OTUD7A: variants seen among roughly 807,000 people sequenced by gnomAD.
OTUD7A encodes the protein OTU domain-containing protein 7A.
In OTUD7A, 12 loss-of-function variants were observed where a neutral mutation model predicts 65.7. The observed-to-expected ratio is 0.18, with a 90% confidence interval of 0.12 to 0.30. The LOEUF is 0.30. Among genes scored for constraint, OTUD7A ranks in the 10% least tolerant of loss-of-function variants. The probability of loss-of-function intolerance (pLI) is 1.00; values close to 1 mark genes in which losing one functional copy is unlikely to be tolerated. For synonymous variants in OTUD7A, 641 were observed against 586.3 expected (o/e 1.09, Z -1.35); for missense variants, 1,148 against 1,304.8 (o/e 0.88, Z 1.85).
chr15:31,582,346 C>A (rs1474303703), intron 3 of OTUD7A, among the ~76,000 whole-genome samples: 1 of 152,220 alleles, frequency 6.6e-6, no homozygotes, highest in Non-Finnish European at 1.5e-5. Flanking sequence ...ACTGTTCTAA[C>A]CTCTGCCTGT....
chr15:31,585,551 C>T (rs1048425173), intron 3 of OTUD7A, among the ~76,000 whole-genome samples: 1 of 152,194 alleles, frequency 6.6e-6, no homozygotes, highest in African/African-American at 2.4e-5. Flanking sequence ...CCCCACCCGG[C>T]ATCCCCAGGG....
Position 31,484,330 on chromosome 15 carries a change from G to A in OTUD7A, c.1766C>T (p.Ser589Leu). Reference protein sequence around the residue: ...KEESGASASTSPSEKTTPSPT... With the variant: ...KEESGASASTLPSEKTTPSPT... ...CGACGGCGTGGTCTTTTCCGACGGCGACGTGCTGGCCGACGCACCAGACTC... is the reference window on the plus strand; with the variant it reads ...CGACGGCGTGGTCTTTTCCGACGGCAACGTGCTGGCCGACGCACCAGACTC... The change falls in exon 13 of 13, where the codon TCG becomes TTG. Residue 589 changes from serine (S) to leucine (L), a missense_variant. Transcript: ENST00000307050. The surrounding 1 kb of genome is among the most constrained non-coding windows in gnomAD (Gnocchi z 4.5). 1 of 1,599,714 alleles carries A rather than the reference G, an allele frequency of 6.3e-7. No individual in the cohort carries two copies. The highest frequency in any genetic ancestry group is 1.1e-5 in the South Asian group (1 of 90,778).
At chr15:31,796,155 G>A (rs1485317357) in intron 1 of OTUD7A, among the ~76,000 whole-genome samples, 2 of 150,602 alleles carry the variant, frequency 1.3e-5, no homozygotes, top group African/African-American at 4.9e-5. Flanking sequence ...GTGTGTGTGT[G>A]TGTGTGTGTG....
intron 3 of OTUD7A, among the ~76,000 whole-genome samples, chr15:31,592,133 T>G (rs1238156443): frequency 6.6e-6 from 1 of 152,182 alleles, no homozygotes; most frequent in Admixed American, 6.5e-5. Context: ...GGTGAGTGAA[T>G]GTGAAGGCCA....
At chr15:31,526,035 C>T (rs28445355) in intron 8 of OTUD7A, among the ~76,000 whole-genome samples, 29,364 of 152,216 alleles carry the variant, frequency 0.19, 3,339 homozygotes, top group East Asian at 0.37. Context: ...GCCCTGAAGG[C>T]GCACACCCCA....
chr15:31,735,061 C>CAAT (rs57350468), intron 1 of OTUD7A, among the ~76,000 whole-genome samples: 3 of 150,470 alleles, frequency 2.0e-5, no homozygotes, highest in African/African-American at 7.3e-5. Flanking sequence ...AAGAAAAAAA[C>CAAT]CCCACTAAAA....
At chr15:31,822,849 C>G (rs1896718355) in intron 1 of OTUD7A, among the ~76,000 whole-genome samples, 1 of 152,152 alleles carries the variant, frequency 6.6e-6, no homozygotes, top group Non-Finnish European at 1.5e-5. Flanking sequence ...GAGGGGAAGG[C>G]TGCGTACCCT....
intron 8 of OTUD7A, among the ~76,000 whole-genome samples, chr15:31,524,464 G>C (rs1054271172): frequency 6.6e-6 from 1 of 152,142 alleles, no homozygotes; most frequent in Non-Finnish European, 1.5e-5. Context: ...CTGGAGGCTT[G>C]TGAGGCAGAG....
intron 8 of OTUD7A, among the ~76,000 whole-genome samples, chr15:31,512,431 C>G (rs745406335): frequency 3.3e-5 from 5 of 152,128 alleles, no homozygotes; most frequent in Non-Finnish European, 5.9e-5. Flanking sequence ...AGCAATATTA[C>G]TTGAATATAA....
chr15:31,509,384 T>A (rs75344764), intron 8 of OTUD7A, among the ~76,000 whole-genome samples: 2,632 of 152,214 alleles, frequency 0.017, 89 homozygotes, highest in African/African-American at 0.061. Context: ...GTTCACGCCA[T>A]TCTTTTGCCT....
rs1445083473 is a variant in OTUD7A at position 31,590,932 on chromosome 15, C to T, written c.152-20735G>A. On this transcript the variant is annotated intron_variant, in intron 3 of 12. Transcript: ENST00000307050. ...TGCAGGCATCCTTGGGTGCTGATAG[C>T]ATGGATATGAATAAAGATGCGTATG... is the stretch of plus-strand genomic sequence containing the variant. Among the ~76,000 whole-genome samples, 3 of 152,210 alleles carry T rather than the reference C, an allele frequency of 2.0e-5. No homozygotes were observed. In the East Asian group the frequency reaches 5.8e-4, roughly 29 times the overall value.
intron 1 of OTUD7A, among the ~76,000 whole-genome samples, chr15:31,864,951 C>T (rs1897841018): frequency 6.6e-6 from 1 of 152,176 alleles, no homozygotes; most frequent in African/African-American, 2.4e-5. Flanking sequence ...AACTTAAGAA[C>T]CCATGGCATA....
intron 3 of OTUD7A, among the ~76,000 whole-genome samples, chr15:31,602,551 A>T (rs1465410121): frequency 6.6e-6 from 1 of 152,170 alleles, no homozygotes; most frequent in East Asian, 1.9e-4. Context: ...GCACAAGACA[A>T]GGATGCCCTC....
chr15:31,753,704 A>ATATATATATAT (rs1894713723), intron 1 of OTUD7A, among the ~76,000 whole-genome samples: 3 of 15,318 alleles, frequency 2.0e-4, no homozygotes, highest in African/African-American at 7.7e-4. Flanking sequence ...TATATATATT[A>ATATATATATAT]TATATATATA....
At chr15:31,514,854 C>T (rs975767425) in intron 8 of OTUD7A, among the ~76,000 whole-genome samples, 1 of 152,240 alleles carries the variant, frequency 6.6e-6, no homozygotes, top group African/African-American at 2.4e-5. Context: ...TATGTATTGA[C>T]ATGAATACAT....
intron 1 of OTUD7A, among the ~76,000 whole-genome samples, chr15:31,812,221 T>C (rs7176135): frequency 0.61 from 91,509 of 148,866 alleles, 27,753 homozygotes; most frequent in East Asian, 0.7. Context: ...CTAACCAGAA[T>C]GCCCCAGCTG....
chr15:31,488,519 C>T (rs1037572927), intron 10 of OTUD7A, among the ~76,000 whole-genome samples: 2 of 152,132 alleles, frequency 1.3e-5, no homozygotes, highest in African/African-American at 2.4e-5. Context: ...AGTCTTTCCT[C>T]GCAACAAGCA....
intron 5 of OTUD7A, chr15:31,556,389 G>A (rs765785630): frequency 6.6e-6 from 1 of 152,186 alleles, no homozygotes; most frequent in Admixed American, 6.5e-5. Flanking sequence ...TCTTCGTGGT[G>A]CCCAACATAA....
rs529701822 is a variant in OTUD7A, at chr15:31,487,080, C to T, written c.1371+114G>A. On this transcript the variant is annotated intron_variant, in intron 12 of 12. Coordinates refer to ENST00000307050, the MANE Select transcript of OTUD7A (RefSeq NM_001382637.1). This position sits in a 1 kb window ranked among gnomAD's most constrained non-coding sequence, Gnocchi z 6.0. Reference sequence around the variant, plus strand: ...TGTGGGTATGGCTGGGGTGGGCGGCCGGGCAGGGGCAGGCAAGAGTGTGGG... The same window carrying T: ...TGTGGGTATGGCTGGGGTGGGCGGCTGGGCAGGGGCAGGCAAGAGTGTGGG... The T allele has an allele frequency of 4.0e-5, 42 of 1,051,098 alleles. No individual in the cohort carries two copies. The East Asian group carries it at 4.4e-4, about 11-fold the overall frequency. The allele number at this position is 1,051,098 out of a possible 1,614,324, so 65.1% of individuals were successfully genotyped here. A position where few individuals can be genotyped will look rare whatever the true frequency, so the allele number is the denominator to read the frequency against.
Sources: allele counts gnomAD v4.1 joint callset (sites outside exome capture counted in the v4.1 genomes callset), GRCh38; gene constraint gnomAD v4.1.1; non-coding constraint Gnocchi (gnomAD v3.1); transcripts MANE v1.5; gene names NCBI Gene and HGNC (gene_info 2026-07-23, HGNC 2026-07-21).